Variants in LMBRD2 observed in about 807,000 individuals in gnomAD.
The protein encoded by LMBRD2 is G protein-coupled receptor-associated protein LMBRD2.
A neutral mutation model predicts 94.4 loss-of-function variants in LMBRD2; 55 were observed. The ratio of observed to expected loss-of-function variants is 0.58; its 90% CI spans 0.47 to 0.73. LMBRD2 has a LOEUF of 0.73. Ranked by LOEUF, LMBRD2 falls within the 30% of genes least tolerant of loss-of-function variation. The pLI is 0.00. For synonymous variants in LMBRD2, 246 were observed against 272.4 expected (o/e 0.90, Z 0.95); for missense variants, 640 against 831.9 (o/e 0.77, Z 2.84).
At chr5:36,141,811 T>A (rs1561523337) in intron 3 of LMBRD2, among the ~76,000 whole-genome samples, 1 of 152,188 alleles carries the variant, frequency 6.6e-6, no homozygotes, top group Non-Finnish European at 1.5e-5. Flanking sequence ...CCCAAGAACT[T>A]GCAACAATCT....
At chr5:36,105,553 C>T (rs929252338) in intron 16 of LMBRD2, among the ~76,000 whole-genome samples, 1 of 152,044 alleles carries the variant, frequency 6.6e-6, no homozygotes, top group African/African-American at 2.4e-5. Context: ...CAGTAAACCT[C>T]ATTTCTTGGC....
chr5:36,120,548 C>T (rs1561515811), intron 9 of LMBRD2, among the ~76,000 whole-genome samples: 2 of 152,076 alleles, frequency 1.3e-5, no homozygotes, highest in South Asian at 2.1e-4. Context: ...TGTGAGCCAC[C>T]GCGCCTGGCC....
intron 6 of LMBRD2, among the ~76,000 whole-genome samples, chr5:36,130,772 C>T (rs1473576680): frequency 6.6e-6 from 1 of 152,102 alleles, no homozygotes; most frequent in Non-Finnish European, 1.5e-5. Flanking sequence ...CACATACAAC[C>T]TACCAAGATC....
At chr5:36,105,235 G>A (rs763178440) in intron 16 of LMBRD2, 38 bp from the exon 17 acceptor site, 1 of 1,601,060 alleles carries the variant, frequency 6.2e-7, no homozygotes, top group South Asian at 1.1e-5. Context: ...CTTCCCTACT[G>A]TCTTTTAACT....
chr5:36,118,523 A>G (rs1561514936), intron 9 of LMBRD2, among the ~76,000 whole-genome samples: 3 of 152,184 alleles, frequency 2.0e-5, no homozygotes, highest in Admixed American at 1.3e-4. Context: ...AGGAGGCATC[A>G]TGTCTGGATA....
Position 36,099,122 on chromosome 5 carries a change from C to T in LMBRD2, c.*4924G>A, listed in dbSNP as rs1306029677. 3 of 151,992 alleles carry T rather than the reference C, an allele frequency of 2.0e-5. No individual in the cohort carries two copies. The highest frequency in any genetic ancestry group is 4.4e-5 in the Non-Finnish European group (3 of 67,962). The allele number at this position is 151,992 out of a possible 1,614,324, so 9.4% of individuals were successfully genotyped here. ...TATATATAAAAATCACTGACGGGAT[C>T]TAGGAGTATTTCAAGCTCACACTGG... On this transcript the variant is annotated 3_prime_UTR_variant, in exon 18 of 18. Transcript: ENST00000296603.
rs1264504232 is a variant in LMBRD2, at chr5:36,130,712, C to T, written c.747+5597G>A. Among the ~76,000 whole-genome samples the T allele has an allele frequency of 2.6e-5, 4 of 152,108 alleles. No individual in the cohort carries two copies. The East Asian group carries it at 5.8e-4, about 22-fold the overall frequency. On this transcript the variant is annotated intron_variant, in intron 6 of 17. Coordinates refer to ENST00000296603, the MANE Select transcript of LMBRD2 (RefSeq NM_001007527.2). ...ATTATTAGAGACTTCTAATGAGCAA[C>T]TATATGCCAATAAATTGGAAAACCT...
At chr5:36,145,376 A>G (rs1744512894) in intron 1 of LMBRD2, among the ~76,000 whole-genome samples, 2 of 152,232 alleles carry the variant, frequency 1.3e-5, no homozygotes. Flanking sequence ...AACAACTTAT[A>G]CCACAACAAA....
intron 9 of LMBRD2, among the ~76,000 whole-genome samples, chr5:36,120,207 C>A (rs1206740149): frequency 1.3e-5 from 2 of 151,950 alleles, no homozygotes; most frequent in East Asian, 3.9e-4. Flanking sequence ...TACAGGTAGG[C>A]TGGAGTGCAG....
At chr5:36,124,099 C>T in intron 7 of LMBRD2, 92 bp downstream of exon 7, 1 of 662,162 alleles carries the variant, frequency 1.5e-6, no homozygotes. Flanking sequence ...AAGACCTCAG[C>T]TATAGGCTGT....
chr5:36,139,045 G>T (rs1744340921), intron 4 of LMBRD2, among the ~76,000 whole-genome samples: 1 of 152,158 alleles, frequency 6.6e-6, no homozygotes, highest in Non-Finnish European at 1.5e-5. Flanking sequence ...CGAGTTGGCG[G>T]GGCAGGAGCC....
In LMBRD2 at chr5:36,101,557, TAC is replaced by T. The variant is rs1275858118; in HGVS notation, c.*2487_*2488del. 1 of 151,968 alleles carries T rather than the reference TAC, an allele frequency of 6.6e-6. No homozygotes were observed. The highest frequency in any genetic ancestry group is 1.5e-5 in the Non-Finnish European group (1 of 67,866). 9.4% of individuals were successfully genotyped at this position (151,968 alleles called of 1,614,324 possible). On this transcript the variant is annotated 3_prime_UTR_variant, in exon 18 of 18. Coordinates refer to ENST00000296603, the MANE Select transcript of LMBRD2 (RefSeq NM_001007527.2). The stretch of plus-strand genomic sequence containing the variant: ...CTCAAAAGAGAAAACTTCTACCCAT[TAC>T]AGTTTTTTACACAGGGTGGCTTGAC...
chr5:36,130,166 C>T (rs190133015), intron 6 of LMBRD2, among the ~76,000 whole-genome samples: 20 of 151,584 alleles, frequency 1.3e-4, no homozygotes, highest in Non-Finnish European at 2.6e-4. Flanking sequence ...TGCACATGTA[C>T]GCTAAAACTT....
At chr5:36,114,988 GGAAT>G (rs764732256) in intron 12 of LMBRD2, 23 bp downstream of exon 12, 1 of 1,403,440 alleles carries the variant, frequency 7.1e-7, no homozygotes, top group Non-Finnish European at 1.0e-6. Context: ...GTGAACCTAA[GGAAT>G]TCTATTTTCT....
In LMBRD2 at chr5:36,098,463, TA is replaced by T. The variant is rs1243136867; in HGVS notation, c.*5582del. Reference sequence around the variant, plus strand: ...TTAAAACATTTGTCATATTTGCTAATAAATTGATAAGGAACAAAGAACGCCT... The same window carrying T: ...TTAAAACATTTGTCATATTTGCTAATAATTGATAAGGAACAAAGAACGCCT... On this transcript the variant is annotated 3_prime_UTR_variant, in exon 18 of 18. Transcript: ENST00000296603. 1 of 152,040 alleles carries T rather than the reference TA, an allele frequency of 6.6e-6. No homozygotes were observed. Among genetic ancestry groups the T allele is most frequent in the Non-Finnish European group, 1.5e-5 (1 of 67,914 alleles). 9.4% of individuals were successfully genotyped at this position (152,040 alleles called of 1,614,324 possible).
intron 13 of LMBRD2, among the ~76,000 whole-genome samples, chr5:36,113,839 C>T (rs1439997235): frequency 2.0e-5 from 3 of 152,154 alleles, no homozygotes; most frequent in Non-Finnish European, 4.4e-5. Flanking sequence ...GTACACCTAT[C>T]CTTTAATCCC....
At chr5:36,137,915 G>T (rs961407932) in intron 4 of LMBRD2, among the ~76,000 whole-genome samples, 3 of 152,120 alleles carry the variant, frequency 2.0e-5, no homozygotes, top group African/African-American at 7.2e-5. Context: ...CTAAAAATAT[G>T]GATAGCTTCC....
intron 6 of LMBRD2, among the ~76,000 whole-genome samples, chr5:36,126,924 G>C (rs1024126005): frequency 3.3e-5 from 5 of 152,180 alleles, no homozygotes; most frequent in African/African-American, 1.2e-4. Context: ...AAACTAATTT[G>C]GTTTTAAAAC....
Position 36,151,481 on chromosome 5 carries a change from T to G in LMBRD2, c.-58+75A>C, listed in dbSNP as rs1404990780. The G allele has an allele frequency of 6.6e-6, 1 of 152,276 alleles. No individual in the cohort carries two copies. 9.4% of individuals were successfully genotyped at this position (152,276 alleles called of 1,614,324 possible). A position where few individuals can be genotyped will look rare whatever the true frequency, so the allele number is the denominator to read the frequency against. On this transcript the variant is annotated intron_variant, in intron 1 of 17. Coordinates refer to ENST00000296603, the MANE Select transcript of LMBRD2 (RefSeq NM_001007527.2). The surrounding 1 kb of genome is among the most constrained non-coding windows in gnomAD (Gnocchi z 4.7). ...CACAGACCCAATTCTTAGGGCCGCC[T>G]TCTCCCCGACGGAGGAAGAAGCTTC...
Sources: gnomAD v4.1 joint callset for allele counts (sites outside exome capture counted in the v4.1 genomes callset) on GRCh38, gnomAD v4.1.1 for gene constraint, Gnocchi (gnomAD v3.1) non-coding constraint, MANE v1.5 for transcripts, NCBI Gene and HGNC (gene_info 2026-07-23, HGNC 2026-07-21) for gene names.